FUT8: variants seen among roughly 807,000 people sequenced by gnomAD.
FUT8 encodes the protein alpha-(1,6)-fucosyltransferase.
Under a neutral mutation model 71.3 loss-of-function variants are expected in FUT8, and 29 were observed. That is an observed-to-expected ratio of 0.41 (90% CI 0.30 to 0.55). The LOEUF (loss-of-function observed/expected upper bound fraction) is 0.55. FUT8 is among the 20% of genes least tolerant of loss of function. The pLI is 0.34. For synonymous variants in FUT8, 254 were observed against 239.3 expected (o/e 1.06, Z -0.57); for missense variants, 544 against 702.1 (o/e 0.77, Z 2.55).
In FUT8 at chr14:65,698,057, GTTATTAT is replaced by G. The variant is rs576601246; in HGVS notation, c.836-23717_836-23711del. On this transcript the variant is annotated intron_variant, in intron 7 of 10. Coordinates refer to ENST00000673929, the MANE Select transcript of FUT8 (RefSeq NM_001371533.1). ...GTAATGTTTAATTTTTGTAACTTCT[GTTATTAT>G]AATGTGTAGAAATATTCCAAGTGAG... Among the ~76,000 whole-genome samples the G allele has an allele frequency of 1.1e-4, 16 of 151,610 alleles. No homozygotes were observed. The East Asian group carries it at 2.9e-3, about 28-fold the overall frequency.
rs535618102 is a variant in FUT8 at position 65,638,212 on chromosome 14, G to A, written c.597+8606G>A. 6.6e-6 allele frequency among the ~76,000 whole-genome samples: 1 copy of A among 152,034 alleles called. No individual in the cohort carries two copies. The highest frequency in any genetic ancestry group is 1.5e-5 in the Non-Finnish European group (1 of 68,016). The stretch of plus-strand genomic sequence containing the variant: ...CTCCCAAGACCCTCCGTCTCTATCT[G>A]CCTAACCAGCCCCTAACTGCCTCCT... On this transcript the variant is annotated intron_variant, in intron 6 of 10. Coordinates refer to ENST00000673929, the MANE Select transcript of FUT8 (RefSeq NM_001371533.1). This position sits in a 1 kb window ranked among gnomAD's most constrained non-coding sequence, Gnocchi z 4.5.
intron 3 of FUT8, among the ~76,000 whole-genome samples, chr14:65,596,153 G>A (rs908270183): frequency 1.3e-5 from 2 of 152,074 alleles, no homozygotes; most frequent in African/African-American, 2.4e-5. Context: ...AGGCTCTGTG[G>A]GGTTTTTTTA....
At chr14:65,366,865 A>G in the FUT8 span, among the ~76,000 whole-genome samples, 1 of 152,200 alleles carries the variant, frequency 6.6e-6, no homozygotes, top group African/African-American at 2.4e-5. Context: ...TGCACACACC[A>G]TGGTTCTGAA....
At chr14:65,691,452 G>T (rs1594900950) in intron 7 of FUT8, among the ~76,000 whole-genome samples, 3 of 151,488 alleles carry the variant, frequency 2.0e-5, no homozygotes, top group Admixed American at 6.6e-5. Context: ...GGATTTGGTG[G>T]ACTACTTTTC....
At chr14:65,540,521 G>A (rs558980812) in intron 2 of FUT8, among the ~76,000 whole-genome samples, 1 of 152,294 alleles carries the variant, frequency 6.6e-6, no homozygotes, top group South Asian at 2.1e-4. Flanking sequence ...CTAGAGTGGT[G>A]GAAGAGAAAG....
intron 6 of FUT8, chr14:65,646,422 C>T (rs1891127349): frequency 6.6e-6 from 1 of 152,228 alleles, no homozygotes; most frequent in African/African-American, 2.4e-5. Flanking sequence ...TCCAGATTGC[C>T]TCTAGTTAAA....
intron 7 of FUT8, among the ~76,000 whole-genome samples, chr14:65,681,871 A>G (rs1893056120): frequency 6.6e-6 from 1 of 152,208 alleles, no homozygotes; most frequent in South Asian, 2.1e-4. Context: ...ACAGCCGCTG[A>G]TACAGAAACC....
At chr14:65,394,979 T>G in the FUT8 span, among the ~76,000 whole-genome samples, 1 of 152,284 alleles carries the variant, frequency 6.6e-6, no homozygotes, top group South Asian at 2.1e-4. Flanking sequence ...CCTGACCTCA[T>G]GATCCACCTG....
chr14:65,401,423 C>A, the FUT8 span, among the ~76,000 whole-genome samples: 1 of 152,166 alleles, frequency 6.6e-6, no homozygotes, highest in African/African-American at 2.4e-5. Flanking sequence ...TGATTCAAGG[C>A]CAGAAGACCT....
intron 3 of FUT8, among the ~76,000 whole-genome samples, chr14:65,570,208 T>C (rs1886397055): frequency 6.6e-6 from 1 of 152,054 alleles, no homozygotes; most frequent in Non-Finnish European, 1.5e-5. Context: ...AAATCAATCA[T>C]GGAGAAAACT....
chr14:65,373,981 A>T, the FUT8 span, among the ~76,000 whole-genome samples: 1 of 152,216 alleles, frequency 6.6e-6, no homozygotes, highest in African/African-American at 2.4e-5. Context: ...CTTGGTTTTT[A>T]TACGAAGTTT....
chr14:65,600,599 A>G (rs1000126093), intron 3 of FUT8, among the ~76,000 whole-genome samples: 1 of 152,200 alleles, frequency 6.6e-6, no homozygotes, highest in Non-Finnish European at 1.5e-5. Flanking sequence ...GTTAAAATAT[A>G]TAAAACATTT....
intron 9 of FUT8, among the ~76,000 whole-genome samples, chr14:65,726,517 A>G (rs1346841905): frequency 6.6e-6 from 1 of 152,140 alleles, no homozygotes; most frequent in Non-Finnish European, 1.5e-5. Context: ...CCATTTTTCA[A>G]ACCATTAGAT....
chr14:65,569,500 A>C (rs1201247042), intron 3 of FUT8, among the ~76,000 whole-genome samples: 2 of 151,800 alleles, frequency 1.3e-5, no homozygotes, highest in East Asian at 3.8e-4. Context: ...GCCGTTAATC[A>C]CACACAGTTA....
chr14:65,494,680 G>A (rs955140404), intron 2 of FUT8, among the ~76,000 whole-genome samples: 3 of 152,000 alleles, frequency 2.0e-5, no homozygotes, highest in African/African-American at 4.8e-5. Flanking sequence ...GTGCCATGGT[G>A]GTTTGCTGCA....
At chr14:65,363,781 T>C in the FUT8 span, among the ~76,000 whole-genome samples, 2 of 152,188 alleles carry the variant, frequency 1.3e-5, no homozygotes, top group African/African-American at 4.8e-5. Flanking sequence ...TCATCAAACC[T>C]AGCATAAAAC....
At chr14:65,500,322 G>T (rs1211002825) in intron 2 of FUT8, among the ~76,000 whole-genome samples, 1 of 152,094 alleles carries the variant, frequency 6.6e-6, no homozygotes, top group East Asian at 1.9e-4. Flanking sequence ...CTTTGCCTTT[G>T]GGGTTCTGGG....
At chr14:65,459,592 AAGAG>A (rs201355629) in intron 2 of FUT8, among the ~76,000 whole-genome samples, 4 of 151,820 alleles carry the variant, frequency 2.6e-5, no homozygotes, top group Non-Finnish European at 4.4e-5. Context: ...TCCCAGGATA[AAGAG>A]AGAGAGAGAA....
At chr14:65,529,156 CTCTTGTCTA>C (rs1883748074) in intron 2 of FUT8, 1 of 157,984 alleles carries the variant, frequency 6.3e-6, no homozygotes, top group African/African-American at 2.4e-5. Context: ...TGATTACCTA[CTCTTGTCTA>C]TCCCCTTTAT....
Sources: allele counts gnomAD v4.1 joint callset (sites outside exome capture counted in the v4.1 genomes callset), GRCh38; gene constraint gnomAD v4.1.1; non-coding constraint Gnocchi (gnomAD v3.1); transcripts MANE v1.5; gene names NCBI Gene and HGNC (gene_info 2026-07-23, HGNC 2026-07-21).